KIRREL3: variants seen among roughly 807,000 people sequenced by gnomAD.
The protein encoded by KIRREL3 is kin of IRRE-like protein 3.
KIRREL3 carries 36 observed loss-of-function variants against 89.7 expected under a neutral mutation model. That is an observed-to-expected ratio of 0.40 (90% CI 0.31 to 0.53). KIRREL3 has a LOEUF of 0.53. Ranked by LOEUF, KIRREL3 falls within the 20% of genes least tolerant of loss-of-function variation. KIRREL3 has a pLI of 0.49. For synonymous variants in KIRREL3, 445 were observed against 441.4 expected, an observed-to-expected ratio of 1.01 and a Z score of -0.10; for missense variants, 864 against 1,056.6, an observed-to-expected ratio of 0.82 and a Z score of 2.53.
intron 2 of KIRREL3, among the ~76,000 whole-genome samples, chr11:126,547,781 A>G (rs1246118306): frequency 1.3e-5 from 2 of 152,190 alleles, no homozygotes; most frequent in Non-Finnish European, 2.9e-5. Context: ...AGGGACCCAC[A>G]ATAGGGGCTT....
At chr11:126,678,661 TAGAGG>T (rs1946311878) in intron 1 of KIRREL3, among the ~76,000 whole-genome samples, 1 of 134,032 alleles carries the variant, frequency 7.5e-6, no homozygotes, top group Non-Finnish European at 1.6e-5. Flanking sequence ...TGGGTCATGA[TAGAGG>T]AGTCAGATCC....
At position 126,891,177 on chromosome 11, in the gene KIRREL3, T is replaced by C. The variant is rs995668122; in HGVS notation, c.55+109278A>G. 1.3e-5 allele frequency among the ~76,000 whole-genome samples: 2 copies of C among 152,134 alleles called. No homozygotes were observed. Among genetic ancestry groups the C allele is most frequent in the African/African-American group, 4.8e-5 (2 of 41,422 alleles). ...GTGTACATAAGCCACAGTGGAAACA[T>C]CTGAGAAGCGTCCCAAGATACTGCA... On this transcript the variant is annotated intron_variant, in intron 1 of 16. Transcript: ENST00000525144. The surrounding 1 kb of genome is among the most constrained non-coding windows in gnomAD (Gnocchi z 5.1).
Position 126,478,587 on chromosome 11 carries a change from GTATGTGTA to G in KIRREL3, c.434-5129_434-5122del, listed in dbSNP as rs548022653. On this transcript the variant is annotated intron_variant, in intron 4 of 16. Transcript: ENST00000525144. Reference sequence around the variant, plus strand: ...TGTGTATATATGTGTGTACACGTGTGTATGTGTATATGTATATGCATGTATATGTGTGT... The same window carrying G: ...TGTGTATATATGTGTGTACACGTGTGTATGTATATGCATGTATATGTGTGT... 5.9e-4 allele frequency among the ~76,000 whole-genome samples: 89 copies of G among 151,212 alleles called. No individual in the cohort carries two copies. In the East Asian group the frequency reaches 0.014, roughly 24 times the overall value.
chr11:126,654,996 A>AGGAG (rs1242007133), intron 1 of KIRREL3, among the ~76,000 whole-genome samples: 2 of 152,146 alleles, frequency 1.3e-5, no homozygotes, highest in Non-Finnish European at 2.9e-5. Context: ...GATTTTACAT[A>AGGAG]GGAGGAAGGA....
chr11:126,729,613 G>A lies in KIRREL3; in HGVS notation c.56-166701C>T, dbSNP rs1192104938. ...AGGAGCAGCTCCCTGGCATTTTGCT[G>A]CTGGAGCACGGAAGCAGTGCTGGCC... On this transcript the variant is annotated intron_variant, in intron 1 of 16. Transcript: ENST00000525144. The surrounding 1 kb of genome is among the most constrained non-coding windows in gnomAD (Gnocchi z 4.5). Among the ~76,000 whole-genome samples the A allele has an allele frequency of 6.6e-6, 1 of 152,182 alleles. No individual in the cohort carries two copies. The highest frequency in any genetic ancestry group is 1.5e-5 in the Non-Finnish European group (1 of 68,018).
At chr11:126,700,832 A>C (rs931296901) in intron 1 of KIRREL3, among the ~76,000 whole-genome samples, 8 of 152,172 alleles carry the variant, frequency 5.3e-5, no homozygotes, top group Admixed American at 6.5e-5. Flanking sequence ...CTTTACAGGC[A>C]TTCACCCCCC....
In KIRREL3 at chr11:126,949,632, T is replaced by G. The variant is rs138429398; in HGVS notation, c.55+50823A>C. On this transcript the variant is annotated intron_variant, in intron 1 of 16. Coordinates refer to ENST00000525144, the MANE Select transcript of KIRREL3 (RefSeq NM_032531.4). The stretch of plus-strand genomic sequence containing the variant: ...AGAGATTGCCTGAGCAGCATGCTGT[T>G]GTTAGACAAATCGGAATCCTCTTCT... 1.9e-3 allele frequency among the ~76,000 whole-genome samples: 295 copies of G among 152,324 alleles called. 1 individual carries two copies. Among genetic ancestry groups the G allele is most frequent in the African/African-American group, 6.7e-3 (278 of 41,566 alleles).
intron 1 of KIRREL3, among the ~76,000 whole-genome samples, chr11:126,923,116 CCTT>C (rs144733286): frequency 6.4e-5 from 4 of 62,018 alleles, no homozygotes; most frequent in African/African-American, 1.1e-4. Context: ...TTCTCCTTCT[CCTT>C]CTCCTTCTTC....
In KIRREL3 at chr11:126,475,532, G is replaced by A. The variant is rs552467486; in HGVS notation, c.434-2066C>T. Among the ~76,000 whole-genome samples the A allele has an allele frequency of 2.0e-5, 3 of 152,314 alleles. No individual in the cohort carries two copies. In the South Asian group the frequency reaches 6.2e-4, roughly 32 times the overall value. ...AGCAACCTCCCAGGGCTTCCGAGAA[G>A]CCATCACTGACCCCAGGGGCAGCGA... On this transcript the variant is annotated intron_variant, in intron 4 of 16. Transcript: ENST00000525144. The surrounding 1 kb of genome is among the most constrained non-coding windows in gnomAD (Gnocchi z 7.5).
Position 126,736,791 on chromosome 11 carries a change from C to T in KIRREL3, c.56-173879G>A, listed in dbSNP as rs1948814912. Among the ~76,000 whole-genome samples the T allele has an allele frequency of 6.6e-6, 1 of 152,164 alleles. No homozygotes were observed. Among genetic ancestry groups the T allele is most frequent in the Non-Finnish European group, 1.5e-5 (1 of 68,022 alleles). On this transcript the variant is annotated intron_variant, in intron 1 of 16. Coordinates refer to ENST00000525144, the MANE Select transcript of KIRREL3 (RefSeq NM_032531.4). The surrounding 1 kb of genome is among the most constrained non-coding windows in gnomAD (Gnocchi z 5.0). ...GGTGTGGGTAAGGTTAAAGGTCATG[C>T]TAATGTCCATGGACAAAGGCTGCTG...
intron 1 of KIRREL3, among the ~76,000 whole-genome samples, chr11:126,933,220 T>C (rs1444148192): frequency 6.6e-6 from 1 of 152,148 alleles, no homozygotes. Context: ...CAATACTCCA[T>C]CTCCTGTCCC....
At position 126,795,722 on chromosome 11, in the gene KIRREL3, T is replaced by C. The variant is rs1049007080; in HGVS notation, c.55+204733A>G. ...AATTATTTGCACTTTCTGTTCAATATTTCTGTAAACCTAAAAATCCTCAAA... is the reference window on the plus strand; with the variant it reads ...AATTATTTGCACTTTCTGTTCAATACTTCTGTAAACCTAAAAATCCTCAAA... On this transcript the variant is annotated intron_variant, in intron 1 of 16. Coordinates refer to ENST00000525144, the MANE Select transcript of KIRREL3 (RefSeq NM_032531.4). The surrounding 1 kb of genome is among the most constrained non-coding windows in gnomAD (Gnocchi z 4.1). Among the ~76,000 whole-genome samples, 1 of 152,132 alleles carries C rather than the reference T, an allele frequency of 6.6e-6. No homozygotes were observed. The highest frequency in any genetic ancestry group is 1.5e-5 in the Non-Finnish European group (1 of 68,040).
rs978295964 is a variant in KIRREL3 at position 126,976,348 on chromosome 11, G to A, written c.55+24107C>T. ...CATCACTTGCTTTTAGCAAGCCAAA[G>A]GTTGCTTCCAGGGACCACAGATTAT... On this transcript the variant is annotated intron_variant, in intron 1 of 16. Transcript: ENST00000525144. This position sits in a 1 kb window ranked among gnomAD's most constrained non-coding sequence, Gnocchi z 4.2. Among the ~76,000 whole-genome samples the A allele has an allele frequency of 1.3e-5, 2 of 152,124 alleles. No homozygotes were observed. The highest frequency in any genetic ancestry group is 2.4e-5 in the African/African-American group (1 of 41,416).
chr11:126,898,458 A>T lies in KIRREL3; in HGVS notation c.55+101997T>A, dbSNP rs944797529. On this transcript the variant is annotated intron_variant, in intron 1 of 16. Coordinates refer to ENST00000525144, the MANE Select transcript of KIRREL3 (RefSeq NM_032531.4). This position sits in a 1 kb window ranked among gnomAD's most constrained non-coding sequence, Gnocchi z 4.9. Reference sequence around the variant, plus strand: ...CTCACACAGTGGGAAATTAGAAGAAACCTGGAGATGCAACAAAACAGAATG... The same window carrying T: ...CTCACACAGTGGGAAATTAGAAGAATCCTGGAGATGCAACAAAACAGAATG... 6.6e-6 allele frequency among the ~76,000 whole-genome samples: 1 copy of T among 152,204 alleles called. No homozygotes were observed. The highest frequency in any genetic ancestry group is 2.4e-5 in the African/African-American group (1 of 41,442).
intron 2 of KIRREL3, among the ~76,000 whole-genome samples, chr11:126,542,168 G>A (rs1394969036): frequency 1.3e-5 from 2 of 152,236 alleles, no homozygotes; most frequent in Non-Finnish European, 2.9e-5. Context: ...GACTCAGGCA[G>A]GCTGGTCTGA....
In KIRREL3 at chr11:126,870,798, T is replaced by C. The variant is rs1945081858; in HGVS notation, c.55+129657A>G. On this transcript the variant is annotated intron_variant, in intron 1 of 16. Transcript: ENST00000525144. The surrounding 1 kb of genome is among the most constrained non-coding windows in gnomAD (Gnocchi z 4.4). ...CCAGAGCACACTGCCCCTCCCCACTTCCAGTGTAGTTCCTGCACTGCCCCT... is the reference window on the plus strand; with the variant it reads ...CCAGAGCACACTGCCCCTCCCCACTCCCAGTGTAGTTCCTGCACTGCCCCT... Among the ~76,000 whole-genome samples, 1 of 152,080 alleles carries C rather than the reference T, an allele frequency of 6.6e-6. No homozygotes were observed. Among genetic ancestry groups the C allele is most frequent in the South Asian group, 2.1e-4 (1 of 4,822 alleles).
rs1947387184 is a variant in KIRREL3, at chr11:126,703,318, T to C, written c.56-140406A>G. On this transcript the variant is annotated intron_variant, in intron 1 of 16. Transcript: ENST00000525144. This position sits in a 1 kb window ranked among gnomAD's most constrained non-coding sequence, Gnocchi z 4.6. ...GCGGAGGAATGGTGCTCCTGAGAGC[T>C]GTTCTCTGCAGCAGCTTTGCTCATG... Among the ~76,000 whole-genome samples, 1 of 152,258 alleles carries C rather than the reference T, an allele frequency of 6.6e-6. No homozygotes were observed. The highest frequency in any genetic ancestry group is 6.5e-5 in the Admixed American group (1 of 15,288).
rs969024857 is a variant in KIRREL3, at chr11:126,535,592, T to TGTGC, written c.134-8906_134-8905insGCAC. Among the ~76,000 whole-genome samples, 8 of 151,962 alleles carry TGTGC rather than the reference T, an allele frequency of 5.3e-5. No homozygotes were observed. Among genetic ancestry groups the TGTGC allele is most frequent in the South Asian group, 2.1e-4 (1 of 4,792 alleles). Reference sequence around the variant, plus strand: ...TGGGTCGGGTGTGTGTGTGTGTGTGTGCACGTGGGTGTGTTTGTCAGATTA... The same window carrying TGTGC: ...TGGGTCGGGTGTGTGTGTGTGTGTGTGTGCGCACGTGGGTGTGTTTGTCAGATTA... On this transcript the variant is annotated intron_variant, in intron 2 of 16. Transcript: ENST00000525144. This position sits in a 1 kb window ranked among gnomAD's most constrained non-coding sequence, Gnocchi z 4.5.
chr11:126,781,469 A>G (rs1950322302), intron 1 of KIRREL3, among the ~76,000 whole-genome samples: 1 of 152,250 alleles, frequency 6.6e-6, no homozygotes, highest in African/African-American at 2.4e-5. Flanking sequence ...GAGTGAAATC[A>G]TACTGTGTAT....
Sources: allele counts gnomAD v4.1 joint callset (sites outside exome capture counted in the v4.1 genomes callset), GRCh38; gene constraint gnomAD v4.1.1; non-coding constraint Gnocchi (gnomAD v3.1); transcripts MANE v1.5; gene names NCBI Gene and HGNC (gene_info 2026-07-23, HGNC 2026-07-21).